DOCK10: variants seen among roughly 807,000 people sequenced by gnomAD.
DOCK10 encodes dedicator of cytokinesis protein 10.
A neutral mutation model predicts 280.1 loss-of-function variants in DOCK10; 145 were observed. The observed-to-expected ratio is 0.52, with a 90% confidence interval of 0.45 to 0.59. DOCK10 has a LOEUF of 0.59. DOCK10 is among the 20% of genes least tolerant of loss of function. The pLI is 0.00. For missense variants in DOCK10, 2,368 were observed against 2,651.7 expected, an observed-to-expected ratio of 0.89 and a Z score of 2.35; for synonymous variants, 915 against 942.2, an observed-to-expected ratio of 0.97 and a Z score of 0.53.
chr2:224,969,781 G>T (rs1471419370), intron 1 of DOCK10, among the ~76,000 whole-genome samples: 2 of 152,232 alleles, frequency 1.3e-5, no homozygotes, highest in African/African-American at 4.8e-5. Context: ...ATAAAAACCA[G>T]AGTGGAGGAT....
chr2:224,976,567 C>G (rs899963850), intron 1 of DOCK10, among the ~76,000 whole-genome samples: 1 of 150,954 alleles, frequency 6.6e-6, no homozygotes, highest in African/African-American at 2.4e-5. Flanking sequence ...TAGAGTTTCT[C>G]AATCATAGTA....
At chr2:224,812,950 C>T (rs7596144) in intron 31 of DOCK10, among the ~76,000 whole-genome samples, 39,144 of 151,834 alleles carry the variant, frequency 0.26, 8,054 homozygotes, top group African/African-American at 0.58. Flanking sequence ...AAAATTCTCT[C>T]TTTTGGTTGT....
At chr2:224,854,843 C>T in intron 16 of DOCK10, 120 bp downstream of exon 16, 1 of 644,434 alleles carries the variant, frequency 1.6e-6, no homozygotes, top group East Asian at 2.9e-5. Context: ...AACCTTGTAA[C>T]CAACCAACTA....
intron 48 of DOCK10, among the ~76,000 whole-genome samples, chr2:224,787,908 C>G (rs1691846042): frequency 6.6e-6 from 1 of 152,148 alleles, no homozygotes; most frequent in Non-Finnish European, 1.5e-5. Context: ...TGACTTTGCA[C>G]CTTGGCCATA....
chr2:224,795,679 A>G (rs973581637), intron 44 of DOCK10, among the ~76,000 whole-genome samples: 15 of 152,250 alleles, frequency 9.9e-5, no homozygotes, highest in Non-Finnish European at 1.3e-4. Context: ...ACAGACAGTG[A>G]GAGAGGCAAG....
intron 50 of DOCK10, chr2:224,778,500 C>G (rs1473591750): frequency 1.7e-6 from 1 of 598,970 alleles, no homozygotes. Context: ...ATTTCCTAGC[C>G]AGGCCAAAGA....
chr2:224,850,639 A>C (rs1420206656), intron 18 of DOCK10, among the ~76,000 whole-genome samples: 1 of 152,082 alleles, frequency 6.6e-6, no homozygotes, highest in Non-Finnish European at 1.5e-5. Context: ...TCCCCACCCG[A>C]ATCTCATCTT....
chr2:224,920,705 TTATAC>T (rs1481943980), intron 2 of DOCK10, among the ~76,000 whole-genome samples: 1 of 152,104 alleles, frequency 6.6e-6, no homozygotes, highest in Non-Finnish European at 1.5e-5. Flanking sequence ...AATAAAATTT[TTATAC>T]AAAAATGCAA....
intron 1 of DOCK10, among the ~76,000 whole-genome samples, chr2:224,997,615 T>G (rs1706311313): frequency 6.6e-6 from 1 of 152,114 alleles, no homozygotes; most frequent in Non-Finnish European, 1.5e-5. Flanking sequence ...GCCATCCGTG[T>G]GCAACCTGCA....
At chr2:224,914,294 T>C (rs1701195118) in intron 3 of DOCK10, among the ~76,000 whole-genome samples, 1 of 152,192 alleles carries the variant, frequency 6.6e-6, no homozygotes, top group Admixed American at 6.5e-5. Flanking sequence ...GAAAAAGATG[T>C]AGAGTGCCCC....
chr2:224,987,579 T>C (rs1706007020), intron 1 of DOCK10, among the ~76,000 whole-genome samples: 1 of 152,152 alleles, frequency 6.6e-6, no homozygotes, highest in South Asian at 2.1e-4. Context: ...GTATATCTAG[T>C]TGGCCTGCCA....
chr2:224,886,857 C>T (rs984747514), intron 4 of DOCK10, among the ~76,000 whole-genome samples: 2 of 149,680 alleles, frequency 1.3e-5, no homozygotes, highest in African/African-American at 5.1e-5. Context: ...CGGGTTGAAG[C>T]GATTCTCATG....
rs574411333 is a variant in DOCK10, at chr2:225,024,375, CAT to C, written c.123+17875_123+17876del. On this transcript the variant is annotated intron_variant, in intron 1 of 55. Coordinates refer to ENST00000258390, the MANE Select transcript of DOCK10 (RefSeq NM_014689.3). ...AATATATTTTGAAGTAAAGGGGCATCATGTCTAAAATTTATTCACAGATGTTT... is the reference window on the plus strand; with the variant it reads ...AATATATTTTGAAGTAAAGGGGCATCGTCTAAAATTTATTCACAGATGTTT... 2.1e-3 allele frequency among the ~76,000 whole-genome samples: 325 copies of C among 152,180 alleles called. 5 individuals carry two copies. The highest frequency in any genetic ancestry group is 7.4e-3 in the African/African-American group (308 of 41,514).
chr2:224,808,004 G>A lies in DOCK10; in HGVS notation c.3492C>T (p.Ala1164=), dbSNP rs1202615686. 6.2e-7 allele frequency: 1 copy of A among 1,612,550 alleles called. No individual in the cohort carries two copies. The highest frequency in any genetic ancestry group is 8.5e-7 in the Non-Finnish European group (1 of 1,179,346). The change falls in exon 32 of 56, where the codon GCC becomes GCT. Residue 1164 remains alanine (A), a synonymous_variant. Transcript: ENST00000258390. ...GTCTGACATCTTGGTCTTCCTGCAG[G>A]GCAAAGCCAACTTCTCGGAGCAGAA... ...IGILLREVGF[A]LQEDQDVRHL...
chr2:224,819,416 A>C, intron 29 of DOCK10, 30 bp downstream of exon 29: 1 of 1,433,706 alleles, frequency 7.0e-7, no homozygotes, highest in Non-Finnish European at 9.6e-7. Flanking sequence ...CATAGTTTAG[A>C]AAACAATCAC....
intron 1 of DOCK10, among the ~76,000 whole-genome samples, chr2:225,024,699 T>A (rs1279775040): frequency 2.0e-5 from 3 of 148,910 alleles, no homozygotes; most frequent in African/African-American, 7.5e-5. Flanking sequence ...CTGGCCAACA[T>A]GGCAAAACCC....
rs536778043 is a variant in DOCK10 at position 224,854,835 on chromosome 2, C to T, written c.1888+128G>A. 4.3e-4 allele frequency: 265 copies of T among 617,858 alleles called. 1 individual carries two copies. The highest frequency in any genetic ancestry group is 5.5e-4 in the Non-Finnish European group (201 of 364,810). 38.3% of individuals were successfully genotyped at this position (617,858 alleles called of 1,614,324 possible). A position where few individuals can be genotyped will look rare whatever the true frequency, so the allele number is the denominator to read the frequency against. Reference sequence around the variant, plus strand: ...CTTTTGGGAAAAAAAAAACCCAAAACCTTGTAACCAACCAACTAGCCAACC... The same window carrying T: ...CTTTTGGGAAAAAAAAAACCCAAAATCTTGTAACCAACCAACTAGCCAACC... On this transcript the variant is annotated intron_variant, in intron 16 of 55. Coordinates refer to ENST00000258390, the MANE Select transcript of DOCK10 (RefSeq NM_014689.3).
intron 11 of DOCK10, among the ~76,000 whole-genome samples, chr2:224,865,739 T>C (rs1412995801): frequency 2.6e-5 from 4 of 152,126 alleles, no homozygotes; most frequent in Non-Finnish European, 5.9e-5. Context: ...TCTCTTATAT[T>C]GAAATAATTT....
intron 1 of DOCK10, among the ~76,000 whole-genome samples, chr2:224,968,463 T>C (rs774281552): frequency 1.3e-4 from 20 of 152,216 alleles, no homozygotes; most frequent in Non-Finnish European, 2.6e-4. Context: ...CTTCAATGAC[T>C]GCCCTTTGGC....
Sources: allele counts gnomAD v4.1 joint callset (sites outside exome capture counted in the v4.1 genomes callset), GRCh38; gene constraint gnomAD v4.1.1; transcripts MANE v1.5; gene names NCBI Gene and HGNC (gene_info 2026-07-23, HGNC 2026-07-21).